ABCA13: variants seen among roughly 807,000 people sequenced by gnomAD.
ABCA13 encodes the protein ATP binding cassette subfamily A member 13, also known as ATP-binding cassette sub-family A member 13.
Under a neutral mutation model 478.7 loss-of-function variants are expected in ABCA13, and 476 were observed. That is an observed-to-expected ratio of 0.99 (90% CI 0.92 to 1.07). ABCA13 has a LOEUF of 1.07. Among genes scored for constraint, ABCA13 ranks in the 50% least tolerant of loss-of-function variants. ABCA13 has a pLI of 0.00. For missense variants in ABCA13, 6,060 were observed against 5,910.6 expected (o/e 1.03, Z -0.83); for synonymous variants, 2,252 against 2,158.9 (o/e 1.04, Z -1.20).
intron 7 of ABCA13, among the ~76,000 whole-genome samples, chr7:48,232,385 C>G (rs144189937): frequency 6.6e-6 from 1 of 151,764 alleles, no homozygotes; most frequent in African/African-American, 2.4e-5. Context: ...ACAAATTTGC[C>G]TTACAATTGA....
intron 53 of ABCA13, among the ~76,000 whole-genome samples, chr7:48,522,150 T>C (rs1832587732): frequency 6.6e-6 from 1 of 152,190 alleles, no homozygotes. Flanking sequence ...GGTATCGATA[T>C]GCTACTCATA....
intron 22 of ABCA13, 49 bp from the exon 23 acceptor site, chr7:48,298,317 A>G (rs762208438): frequency 4.5e-6 from 7 of 1,539,270 alleles, no homozygotes; most frequent in Non-Finnish European, 4.4e-6. Flanking sequence ...GCAGTCAGTA[A>G]TGATCTAAAC....
At chr7:48,383,449 A>G (rs955024216) in intron 35 of ABCA13, among the ~76,000 whole-genome samples, 4 of 152,192 alleles carry the variant, frequency 2.6e-5, no homozygotes, top group African/African-American at 7.2e-5. Context: ...AATCATATTT[A>G]TCTTTGTACG....
chr7:48,550,524 G>T (rs1376614632), intron 55 of ABCA13, among the ~76,000 whole-genome samples: 1 of 151,752 alleles, frequency 6.6e-6, no homozygotes, highest in Non-Finnish European at 1.5e-5. Flanking sequence ...CTCCCAAAGT[G>T]CTGGGATTAC....
intron 42 of ABCA13, among the ~76,000 whole-genome samples, chr7:48,441,500 G>GA (rs1293376631): frequency 6.6e-6 from 1 of 152,136 alleles, no homozygotes; most frequent in Non-Finnish European, 1.5e-5. Context: ...CTGAGGGATT[G>GA]ATGAAGACAA....
chr7:48,504,043 A>G (rs1462339145), intron 48 of ABCA13, among the ~76,000 whole-genome samples: 1 of 152,252 alleles, frequency 6.6e-6, no homozygotes, highest in Non-Finnish European at 1.5e-5. Context: ...AAAACAAACA[A>G]AATGAAAGCA....
chr7:48,371,928 T>C (rs1812693546), intron 32 of ABCA13, among the ~76,000 whole-genome samples: 1 of 152,198 alleles, frequency 6.6e-6, no homozygotes, highest in Non-Finnish European at 1.5e-5. Flanking sequence ...GACGGGTTTG[T>C]CATGAATGGC....
chr7:48,621,433 G>A (rs1445427134), intron 59 of ABCA13, among the ~76,000 whole-genome samples: 1 of 152,060 alleles, frequency 6.6e-6, no homozygotes, highest in East Asian at 1.9e-4. Context: ...GATAAAATAT[G>A]AGGGCAATGA....
At chr7:48,287,581 C>G (rs1167573956) in intron 19 of ABCA13, among the ~76,000 whole-genome samples, 1 of 152,150 alleles carries the variant, frequency 6.6e-6, no homozygotes, top group Admixed American at 6.5e-5. Context: ...ATCCTTCAAA[C>G]TGGGGCACTT....
intron 38 of ABCA13, among the ~76,000 whole-genome samples, chr7:48,403,481 T>A (rs1817871755): frequency 6.6e-6 from 1 of 152,234 alleles, no homozygotes; most frequent in African/African-American, 2.4e-5. Context: ...ACGGTTGGTG[T>A]CCCTTGGCGT....
intron 20 of ABCA13, among the ~76,000 whole-genome samples, chr7:48,293,192 G>GGCCCCCCCC (rs1798787635): frequency 9.2e-6 from 1 of 108,324 alleles, no homozygotes. Flanking sequence ...GAAGTCTTCA[G>GGCCCCCCCC]CCCCCCCCCC....
chr7:48,621,334 A>G (rs1236526841), intron 59 of ABCA13, among the ~76,000 whole-genome samples: 2 of 152,190 alleles, frequency 1.3e-5, no homozygotes, highest in Non-Finnish European at 2.9e-5. Flanking sequence ...ACCTCGTTCC[A>G]ATTCAGTGTT....
intron 3 of ABCA13, among the ~76,000 whole-genome samples, chr7:48,205,996 T>C (rs1459873264): frequency 6.6e-6 from 1 of 152,164 alleles, no homozygotes; most frequent in African/African-American, 2.4e-5. Context: ...TCCTCAGAAT[T>C]CTCCTGTGCT....
intron 35 of ABCA13, among the ~76,000 whole-genome samples, chr7:48,386,800 T>C (rs191811370): frequency 5.1e-4 from 78 of 152,266 alleles, no homozygotes; most frequent in African/African-American, 1.8e-3. Context: ...ACAACCTAGT[T>C]AATACAATTT....
At chr7:48,236,592 G>C (rs141990780) in intron 8 of ABCA13, among the ~76,000 whole-genome samples, 1 of 152,314 alleles carries the variant, frequency 6.6e-6, no homozygotes, top group East Asian at 1.9e-4. Context: ...AGCAATGGCA[G>C]GTCTAGTTCT....
chr7:48,385,177 C>T (rs1814988639), intron 35 of ABCA13, among the ~76,000 whole-genome samples: 1 of 152,120 alleles, frequency 6.6e-6, no homozygotes. Flanking sequence ...GGTACATGTG[C>T]AGGTTTGTTA....
At chr7:48,247,232 T>C (rs568408734) in intron 13 of ABCA13, among the ~76,000 whole-genome samples, 1 of 152,006 alleles carries the variant, frequency 6.6e-6, no homozygotes, top group African/African-American at 2.4e-5. Flanking sequence ...TGTGAGACCC[T>C]ATTAAAAAAA....
chr7:48,420,572 G>A (rs1820607936), intron 41 of ABCA13, among the ~76,000 whole-genome samples: 1 of 152,128 alleles, frequency 6.6e-6, no homozygotes, highest in Non-Finnish European at 1.5e-5. Flanking sequence ...GAGATGTGAA[G>A]TTTCTTTCCT....
intron 48 of ABCA13, among the ~76,000 whole-genome samples, chr7:48,497,590 G>A (rs1374922832): frequency 6.6e-6 from 1 of 152,184 alleles, no homozygotes; most frequent in Admixed American, 6.5e-5. Flanking sequence ...AGATGTATAT[G>A]TTTTGATTCC....
Sources: gnomAD v4.1 joint callset for allele counts (sites outside exome capture counted in the v4.1 genomes callset) on GRCh38, gnomAD v4.1.1 for gene constraint, MANE v1.5 for transcripts, NCBI Gene and HGNC (gene_info 2026-07-23, HGNC 2026-07-21) for gene names.